Variants in USP15 observed in about 807,000 individuals in gnomAD.
USP15 encodes ubiquitin carboxyl-terminal hydrolase 15.
USP15 carries 18 observed loss-of-function variants against 127.1 expected under a neutral mutation model. That is an observed-to-expected ratio of 0.14 (90% CI 0.10 to 0.21). The LOEUF is 0.21. Among genes scored for constraint, USP15 ranks in the 10% least tolerant of loss-of-function variants. The pLI is 1.00. For synonymous variants in USP15, 364 were observed against 393.7 expected (o/e 0.92, Z 0.89); for missense variants, 805 against 1,159.9 (o/e 0.69, Z 4.44).
At chr12:62,355,977 CA>C (rs2066116118) in intron 8 of USP15, among the ~76,000 whole-genome samples, 1 of 151,316 alleles carries the variant, frequency 6.6e-6, no homozygotes, top group Non-Finnish European at 1.5e-5. Flanking sequence ...CCCCTGCCCC[CA>C]CCCCCTTTTT....
chr12:62,280,431 T>A (rs1283815293), intron 1 of USP15, among the ~76,000 whole-genome samples: 1 of 152,180 alleles, frequency 6.6e-6, no homozygotes, highest in Non-Finnish European at 1.5e-5. Context: ...TTGTCACTGT[T>A]CTGGAGGCTG....
Position 62,265,557 on chromosome 12 carries a change from T to C in USP15, c.89+5054T>C, listed in dbSNP as rs181909029. 5.3e-4 allele frequency among the ~76,000 whole-genome samples: 80 copies of C among 152,210 alleles called. 3 individuals carry two copies. In the East Asian group the frequency reaches 0.015, roughly 28 times the overall value. ...TGCCTCTGATTTTATTTAAAAAAATTTTTTCTAGAGACAGAGTCTCGCTTC... is the reference window on the plus strand; with the variant it reads ...TGCCTCTGATTTTATTTAAAAAAATCTTTTCTAGAGACAGAGTCTCGCTTC... On this transcript the variant is annotated intron_variant, in intron 1 of 21. Transcript: ENST00000280377.
intron 6 of USP15, chr12:62,334,061 C>T (rs986633744): frequency 3.9e-5 from 6 of 151,984 alleles, no homozygotes; most frequent in South Asian, 2.1e-4. Flanking sequence ...AAGAGGGGGT[C>T]GGAGGGAAGC....
At chr12:62,356,310 T>G (rs1160447189) in intron 8 of USP15, among the ~76,000 whole-genome samples, 1 of 151,914 alleles carries the variant, frequency 6.6e-6, no homozygotes, top group East Asian at 1.9e-4. Context: ...GGAGGCAGCC[T>G]CAAAAGATAT....
At chr12:62,294,134 TGTATTTTCAG>T (rs1256533598) in intron 1 of USP15, 35 bp from the exon 2 acceptor site, 1 of 1,597,456 alleles carries the variant, frequency 6.3e-7, no homozygotes, top group African/African-American at 1.4e-5. Context: ...CTACTGTTCC[TGTATTTTCAG>T]GTATTTTCCT....
At chr12:62,292,741 G>A (rs553797708) in intron 1 of USP15, among the ~76,000 whole-genome samples, 4 of 152,258 alleles carry the variant, frequency 2.6e-5, no homozygotes, top group Admixed American at 2.0e-4. Context: ...CTCTTGGGGG[G>A]CGCTGGAAAA....
rs931218943 is a variant in USP15 at position 62,324,116 on chromosome 12, T to C, written c.622-1756T>C. ...AAGCATTTCTTCTCTCCTTTTTGTGTGGGTTTAATTTTAATTTTGAAATCT... is the reference window on the plus strand; with the variant it reads ...AAGCATTTCTTCTCTCCTTTTTGTGCGGGTTTAATTTTAATTTTGAAATCT... On this transcript the variant is annotated intron_variant, in intron 5 of 21. Coordinates refer to ENST00000280377, the MANE Select transcript of USP15 (RefSeq NM_001252078.2). 5.9e-5 allele frequency among the ~76,000 whole-genome samples: 9 copies of C among 152,022 alleles called. No homozygotes were observed. The East Asian group carries it at 1.7e-3, about 29-fold the overall frequency.
chr12:62,340,385 C>A (rs1457729607), intron 6 of USP15, among the ~76,000 whole-genome samples: 1 of 152,008 alleles, frequency 6.6e-6, no homozygotes, highest in Admixed American at 6.6e-5. Flanking sequence ...GTCTCTATCT[C>A]CTTCAGTTCT....
chr12:62,279,893 A>T (rs1345605364), intron 1 of USP15, among the ~76,000 whole-genome samples: 1 of 152,176 alleles, frequency 6.6e-6, no homozygotes, highest in African/African-American at 2.4e-5. Flanking sequence ...CTTCATATAT[A>T]TGTGAGTCTG....
chr12:62,397,630 G>A (rs1275511740), intron 20 of USP15, among the ~76,000 whole-genome samples: 5 of 151,520 alleles, frequency 3.3e-5, no homozygotes, highest in East Asian at 1.9e-4. Context: ...AAGTGGAGGC[G>A]GGTGAATCAT....
chr12:62,354,981 G>T (rs966724733), intron 7 of USP15: 23 of 158,988 alleles, frequency 1.4e-4, no homozygotes, highest in Non-Finnish European at 5.5e-5. Flanking sequence ...GAGATGATTT[G>T]TTGCTGCGGG....
intron 3 of USP15, among the ~76,000 whole-genome samples, chr12:62,303,786 A>G (rs1244505303): frequency 6.6e-6 from 1 of 152,098 alleles, no homozygotes; most frequent in Non-Finnish European, 1.5e-5. Flanking sequence ...CTAACCTTGG[A>G]TCTTATTTTC....
chr12:62,280,468 C>G (rs957290331), intron 1 of USP15, among the ~76,000 whole-genome samples: 36 of 152,132 alleles, frequency 2.4e-4, no homozygotes, highest in African/African-American at 8.2e-4. Context: ...TAGGTACTGG[C>G]AGGTTCTGTG....
chr12:62,399,129 G>A (rs1020645392), intron 20 of USP15, among the ~76,000 whole-genome samples: 3 of 152,096 alleles, frequency 2.0e-5, no homozygotes, highest in African/African-American at 7.2e-5. Flanking sequence ...TGCAGCATCT[G>A]CTCTGCACTG....
intron 11 of USP15, among the ~76,000 whole-genome samples, 189 bp from the exon 12 acceptor site, chr12:62,389,242 G>T (rs1222545337): frequency 1.3e-5 from 2 of 152,132 alleles, no homozygotes; most frequent in Non-Finnish European, 2.9e-5. Context: ...GAGGAGCCAA[G>T]GAATGATAAA....
chr12:62,347,315 A>G (rs973383371), intron 6 of USP15, among the ~76,000 whole-genome samples: 5 of 151,120 alleles, frequency 3.3e-5, no homozygotes, highest in Admixed American at 6.6e-5. Context: ...ACATATATAT[A>G]TGTACACAGA....
At chr12:62,285,877 G>A (rs1333712430) in intron 1 of USP15, among the ~76,000 whole-genome samples, 3 of 151,994 alleles carry the variant, frequency 2.0e-5, no homozygotes, top group Admixed American at 6.6e-5. Flanking sequence ...TTTCCATAAA[G>A]GTTGTACTAA....
rs371337310 is a variant in USP15 at position 62,310,074 on chromosome 12, G to C, written c.349-4716G>C. ...GTTTAAAATTCCAAAAATATGTACT[G>C]GTAAACAATTAGAATTAATAGGTAA... On this transcript the variant is annotated intron_variant, in intron 3 of 21. Coordinates refer to ENST00000280377, the MANE Select transcript of USP15 (RefSeq NM_001252078.2). Among the ~76,000 whole-genome samples the C allele has an allele frequency of 2.6e-5, 4 of 151,872 alleles. No homozygotes were observed. The East Asian group carries it at 7.7e-4, about 29-fold the overall frequency.
chr12:62,282,014 C>T (rs576392539), intron 1 of USP15, among the ~76,000 whole-genome samples: 1 of 152,060 alleles, frequency 6.6e-6, no homozygotes, highest in Non-Finnish European at 1.5e-5. Flanking sequence ...CTGCTTTTTC[C>T]TATGCTTACA....
Sources: allele counts gnomAD v4.1 joint callset (sites outside exome capture counted in the v4.1 genomes callset), GRCh38; gene constraint gnomAD v4.1.1; transcripts MANE v1.5; gene names NCBI Gene and HGNC (gene_info 2026-07-23, HGNC 2026-07-21).